Variants in ZBTB7C observed in about 807,000 individuals in gnomAD.
ZBTB7C encodes zinc finger and BTB domain containing 7C.
ZBTB7C carries 8 observed loss-of-function variants against 25.7 expected under a neutral mutation model. That is an observed-to-expected ratio of 0.31 (90% CI 0.18 to 0.56). The LOEUF is 0.56. Ranked by LOEUF, ZBTB7C falls within the 20% of genes least tolerant of loss-of-function variation. The pLI is 0.91. For missense variants in ZBTB7C, 824 were observed against 855.2 expected (o/e 0.96, Z 0.46); for synonymous variants, 394 against 369.0 (o/e 1.07, Z -0.78).
At chr18:48,210,434 A>G (rs1231129574) in intron 2 of ZBTB7C, among the ~76,000 whole-genome samples, 1 of 152,248 alleles carries the variant, frequency 6.6e-6, no homozygotes, top group African/African-American at 2.4e-5. Context: ...GAATGAACGA[A>G]TGAATAAAAG....
chr18:48,136,301 C>T (rs1479142943), intron 3 of ZBTB7C, among the ~76,000 whole-genome samples: 1 of 152,206 alleles, frequency 6.6e-6, no homozygotes, highest in Non-Finnish European at 1.5e-5. Context: ...CTCGACTCGC[C>T]TGCTCGGGTG....
intron 2 of ZBTB7C, among the ~76,000 whole-genome samples, chr18:48,280,277 A>G (rs1319308859): frequency 6.6e-6 from 1 of 152,004 alleles, no homozygotes; most frequent in Admixed American, 6.5e-5. Context: ...CCGAGACTTC[A>G]CCCATAACTG....
intron 2 of ZBTB7C, among the ~76,000 whole-genome samples, chr18:48,227,052 A>C (rs894704025): frequency 6.1e-5 from 9 of 147,800 alleles, no homozygotes; most frequent in Admixed American, 1.4e-4. Flanking sequence ...AAAGAAAAAG[A>C]AAAAAAAAAG....
chr18:48,347,479 A>G (rs2046767918), intron 1 of ZBTB7C, among the ~76,000 whole-genome samples: 1 of 151,934 alleles, frequency 6.6e-6, no homozygotes, highest in Non-Finnish European at 1.5e-5. Flanking sequence ...GCTTCCTCAG[A>G]CGCAGAACTG....
At chr18:48,160,935 G>A (rs1348041175) in intron 3 of ZBTB7C, among the ~76,000 whole-genome samples, 1 of 136,896 alleles carries the variant, frequency 7.3e-6, no homozygotes, top group Non-Finnish European at 1.6e-5. Context: ...TTTGAGACAA[G>A]TTTTTTTTTT....
At chr18:48,122,101 C>T (rs530217472) in intron 3 of ZBTB7C, among the ~76,000 whole-genome samples, 1 of 152,168 alleles carries the variant, frequency 6.6e-6, no homozygotes, top group Non-Finnish European at 1.5e-5. Context: ...CTAGATCGGG[C>T]TGTTCATGTT....
At chr18:48,356,766 C>T (rs1379418031) in intron 1 of ZBTB7C, among the ~76,000 whole-genome samples, 5 of 152,124 alleles carry the variant, frequency 3.3e-5, no homozygotes, top group Non-Finnish European at 7.4e-5. Context: ...ATCAATGGGC[C>T]GACGTGCATT....
chr18:48,177,688 G>A (rs2041730545), intron 3 of ZBTB7C, among the ~76,000 whole-genome samples: 1 of 152,114 alleles, frequency 6.6e-6, no homozygotes, highest in South Asian at 2.1e-4. Flanking sequence ...CAAGTTCTTG[G>A]GTCCAAGAAC....
chr18:48,248,118 T>G (rs893297960), intron 2 of ZBTB7C, among the ~76,000 whole-genome samples: 2 of 152,222 alleles, frequency 1.3e-5, no homozygotes, highest in Non-Finnish European at 2.9e-5. Context: ...GCCATGATTC[T>G]GAGACCTCCC....
chr18:48,327,876 AT>A (rs1327293699), intron 2 of ZBTB7C, among the ~76,000 whole-genome samples: 1 of 151,984 alleles, frequency 6.6e-6, no homozygotes, highest in Non-Finnish European at 1.5e-5. Flanking sequence ...AAACCATGTT[AT>A]AAAGAATTAC....
At chr18:48,368,972 G>T (rs2047320559) in intron 1 of ZBTB7C, among the ~76,000 whole-genome samples, 1 of 152,188 alleles carries the variant, frequency 6.6e-6, no homozygotes, top group Non-Finnish European at 1.5e-5. Flanking sequence ...AAAGATAAAA[G>T]AGGTACCTTA....
chr18:48,083,951 T>C (rs1246239909), intron 3 of ZBTB7C: 1 of 931,038 alleles, frequency 1.1e-6, no homozygotes, highest in Non-Finnish European at 1.3e-6. Context: ...AAACACGACC[T>C]GAGACCGACT....
chr18:48,113,623 G>A (rs1430611829), intron 3 of ZBTB7C, among the ~76,000 whole-genome samples: 1 of 152,238 alleles, frequency 6.6e-6, no homozygotes, highest in Non-Finnish European at 1.5e-5. Context: ...AAAATCCACA[G>A]GTCTTGTATT....
At chr18:48,255,936 G>T (rs2044008711) in intron 2 of ZBTB7C, among the ~76,000 whole-genome samples, 1 of 152,066 alleles carries the variant, frequency 6.6e-6, no homozygotes, top group African/African-American at 2.4e-5. Flanking sequence ...TACATAGCAA[G>T]AGAGGTTATC....
chr18:48,081,203 A>G (rs1354869983), intron 3 of ZBTB7C, among the ~76,000 whole-genome samples: 1 of 152,172 alleles, frequency 6.6e-6, no homozygotes, highest in Non-Finnish European at 1.5e-5. Flanking sequence ...CAGTCTCCAG[A>G]CAGTCAACAG....
At chr18:48,374,309 C>T (rs1432651438) in intron 1 of ZBTB7C, 1 of 152,234 alleles carries the variant, frequency 6.6e-6, no homozygotes, top group East Asian at 1.9e-4. Context: ...AGAAGGCCAC[C>T]TCTTCTGGAA....
At chr18:48,406,870 A>T (rs2048294552) in intron 1 of ZBTB7C, among the ~76,000 whole-genome samples, 1 of 152,218 alleles carries the variant, frequency 6.6e-6, no homozygotes, top group African/African-American at 2.4e-5. Context: ...GCCCTAGAGT[A>T]TTATGGTTTT....
At chr18:48,229,766 G>A (rs1245293379) in intron 2 of ZBTB7C, among the ~76,000 whole-genome samples, 1 of 152,164 alleles carries the variant, frequency 6.6e-6, no homozygotes, top group African/African-American at 2.4e-5. Context: ...AAGACGTGGG[G>A]GAGTTGGACA....
At chr18:48,319,925 G>T (rs1275899609) in intron 2 of ZBTB7C, among the ~76,000 whole-genome samples, 1 of 152,122 alleles carries the variant, frequency 6.6e-6, no homozygotes, top group African/African-American at 2.4e-5. Flanking sequence ...ACAGTTGCAG[G>T]CTAGAAACTG....
Sources: allele counts gnomAD v4.1 joint callset (sites outside exome capture counted in the v4.1 genomes callset), GRCh38; gene constraint gnomAD v4.1.1; transcripts MANE v1.5; gene names NCBI Gene and HGNC (gene_info 2026-07-23, HGNC 2026-07-21).